The following PKD1 variants were observed in gnomAD, a reference collection of about 807,000 sequenced individuals.
PKD1 encodes polycystin-1.
A neutral mutation model predicts 361.7 loss-of-function variants in PKD1; 81 were observed. That is an observed-to-expected ratio of 0.22 (90% CI 0.19 to 0.27). The LOEUF is 0.27. Ranked by LOEUF, PKD1 falls within the 10% of genes least tolerant of loss-of-function variation. The pLI is 1.00. For missense variants in PKD1, 6,399 were observed against 6,118.3 expected, an observed-to-expected ratio of 1.05 and a Z score of -1.53; for synonymous variants, 3,615 against 2,818.3, an observed-to-expected ratio of 1.28 and a Z score of -8.95.
At chr16:2,091,693 C>T (rs559823238) in intron 41 of PKD1, 88 bp downstream of exon 41, 3 of 1,573,000 alleles carry the variant, frequency 1.9e-6, no homozygotes, top group East Asian at 2.3e-5. Flanking sequence ...TGGAAGCCGC[C>T]TAGGCCAGCG....
Position 2,090,009 on chromosome 16 carries a change from A to G in PKD1, c.12630T>C (p.Pro4210=), listed in dbSNP as rs7203729. 322,364 of 1,608,974 alleles carry G rather than the reference A, an allele frequency of 0.2. 41,941 individuals are homozygous for G. Among genetic ancestry groups the G allele is most frequent in the African/African-American group, 0.65 (48,489 of 74,944 alleles). The change falls in exon 46 of 46, where the codon CCT becomes CCC. Residue 4210 remains proline (P), a synonymous_variant. Coordinates refer to ENST00000262304, the MANE Select transcript of PKD1 (RefSeq NM_001009944.3). ...ACACGGCTTGGAGGCGGGAGGGCTCAGGCTCACACCTTGTCCCCAGCCGGC... is the reference window on the plus strand; with the variant it reads ...ACACGGCTTGGAGGCGGGAGGGCTCGGGCTCACACCTTGTCCCCAGCCGGC... The part of the protein sequence containing the change: ...SLGRLGTRCE[P]EPSRLQAVFE...
chr16:2,124,173 C>G (rs1477914469), intron 1 of PKD1, among the ~76,000 whole-genome samples: 2 of 152,210 alleles, frequency 1.3e-5, no homozygotes. Context: ...TGGAGGCTGC[C>G]CCTCCACACC....
At position 2,105,337 on chromosome 16, in the gene PKD1, C is replaced by G; in HGVS notation, c.8001G>C (p.Ala2667=). Residue 2667 remains alanine (A), a synonymous_variant, in exon 21 of 46, where the codon GCG becomes GCC. Coordinates refer to ENST00000262304, the MANE Select transcript of PKD1 (RefSeq NM_001009944.3). ...GCCATCCTACCATGCACTGGGCCAGCGCAGCAGCGATCTGCTGGATGTCAT... is the reference window on the plus strand; with the variant it reads ...GCCATCCTACCATGCACTGGGCCAGGGCAGCAGCGATCTGCTGGATGTCAT... ...TVDDIQQIAA[A]LAQCMGPSRE... is the part of the protein sequence containing the mutation. 6.3e-7 allele frequency: 1 copy of G among 1,593,172 alleles called. No homozygotes were observed. The highest frequency in any genetic ancestry group is 1.1e-5 in the South Asian group (1 of 90,950).
intron 11 of PKD1, among the ~76,000 whole-genome samples, chr16:2,113,614 C>G (rs2092575319): frequency 6.6e-6 from 1 of 152,256 alleles, no homozygotes; most frequent in South Asian, 2.1e-4. Flanking sequence ...CTTGCCCCAG[C>G]TCCTCACCCA....
Position 2,110,377 on chromosome 16 carries a change from A to G in PKD1, c.4790T>C (p.Ile1597Thr). The G allele has an allele frequency of 6.2e-7, 1 of 1,612,590 alleles. No homozygotes were observed. The highest frequency in any genetic ancestry group is 8.5e-7 in the Non-Finnish European group (1 of 1,179,860). The change falls in exon 15 of 46, where the codon ATC becomes ACC. Residue 1597 changes from isoleucine (I) to threonine (T), a missense_variant. Transcript: ENST00000262304. Reference sequence around the variant, plus strand: ...GCCCACGGAGCGGAAGGTGTAAGAGATGGTAGGACCCCCAGGGATGGGCGT... The same window carrying G: ...GCCCACGGAGCGGAAGGTGTAAGAGGTGGTAGGACCCCCAGGGATGGGCGT... ...RCTPIPGGPT[I>T]SYTFRSVGTF...
In PKD1 at chr16:2,135,631, C is replaced by G; in HGVS notation, c.59G>C (p.Gly20Ala). The G allele has an allele frequency of 1.1e-6, 1 of 939,104 alleles. No homozygotes were observed. Among genetic ancestry groups the G allele is most frequent in the South Asian group, 4.8e-5 (1 of 20,902 alleles). 58.2% of individuals were successfully genotyped at this position (939,104 alleles called of 1,614,324 possible). Residue 20 changes from glycine (G) to alanine (A), a missense_variant, in exon 1 of 46, where the codon GGG becomes GCG. Transcript: ENST00000262304. Reference sequence around the variant, plus strand: ...GCGCCCGGGGCCCCCCGCCAGCGCCCCGAGCCACAGGCCCAGGCCCAGGGC... The same window carrying G: ...GCGCCCGGGGCCCCCCGCCAGCGCCGCGAGCCACAGGCCCAGGCCCAGGGC... ...ALALGLGLWL[G>A]ALAGGPGRGC...
At position 2,089,764 on chromosome 16, in the gene PKD1, A is replaced by AG; in HGVS notation, c.12874dup (p.Leu4292ProfsTer94). 6.3e-7 allele frequency: 1 copy of AG among 1,595,502 alleles called. No homozygotes were observed. Among genetic ancestry groups the AG allele is most frequent in the Non-Finnish European group, 8.5e-7 (1 of 1,172,666 alleles). ...GGGGTGGACCTTGTTCTTGGCCCGA[A>AG]GGGGTGTCCTGCTGGGGCCAGTGGC... On this transcript the variant is annotated frameshift_variant, in exon 46 of 46. Transcript: ENST00000262304. LOFTEE classifies it high-confidence loss of function.
intron 16 of PKD1, chr16:2,107,254 A>T: frequency 4.4e-6 from 2 of 450,198 alleles, no homozygotes; most frequent in Non-Finnish European, 8.3e-6. Flanking sequence ...GAAGAGACGT[A>T]TGTGTGGGTG....
Position 2,110,067 on chromosome 16 carries a change from G to A in PKD1, c.5100C>T (p.Thr1700=), listed in dbSNP as rs774140296. Residue 1700 remains threonine, a synonymous_variant, in exon 15 of 46, where the codon ACC becomes ACT. Coordinates refer to ENST00000262304, the MANE Select transcript of PKD1 (RefSeq NM_001009944.3). ...CGGCCCAGGCGCTGCCCAGCATGTT[G>A]GTGGCCCGCAGCTGCACATGGTAGG... ...AGTYHVQLRA[T]NMLGSAWADC... 9 of 1,609,904 alleles carry A rather than the reference G, an allele frequency of 5.6e-6. No homozygotes were observed. The African/African-American group carries it at 1.1e-4, about 19-fold the overall frequency.
rs1225452472 is a variant in PKD1, at chr16:2,090,500, C to T, written c.12229G>A (p.Ala4077Thr). 2 of 1,611,480 alleles carry T rather than the reference C, an allele frequency of 1.2e-6. No homozygotes were observed. Among genetic ancestry groups the T allele is most frequent in the African/African-American group, 1.3e-5 (1 of 75,010 alleles). Residue 4077 changes from alanine to threonine, a missense_variant, in exon 45 of 46, where the codon GCC becomes ACC. Transcript: ENST00000262304. ...AGGGGTGACAGGTGCCAGGACTCGG[C>T]AGGACACAGGGTAGAGAGCCCAGTC... ...PGTGLSTLCP[A>T]ESWHLSPLLC...
At chr16:2,116,460 T>G in intron 8 of PKD1, 69 bp downstream of exon 8, 1 of 851,406 alleles carries the variant, frequency 1.2e-6, no homozygotes, top group Non-Finnish European at 1.9e-6. Flanking sequence ...AGACCCACAG[T>G]GGGCAGGGCA....
Position 2,111,371 on chromosome 16 carries a change from G to A in PKD1, c.3796C>T (p.Arg1266Trp), listed in dbSNP as rs376754657. The stretch of plus-strand genomic sequence containing the variant: ...ACGGTCACTGTGCAGTTCTGTGCCC[G>A]CAGGTACACATGCTCCACTGTTGCC... ...PEATVEHVYL[R>W]AQNCTVTVGA... Residue 1266 changes from arginine to tryptophan, a missense_variant, in exon 15 of 46, where the codon CGG (arginine) becomes TGG (tryptophan). By Grantham distance (101) the Arg-to-Trp change is moderately radical. Transcript: ENST00000262304. The A allele has an allele frequency of 2.7e-5, 43 of 1,610,970 alleles. No homozygotes were observed. The highest frequency in any genetic ancestry group is 2.3e-4 in the African/African-American group (17 of 75,018).
In PKD1 at chr16:2,090,340, A is replaced by G. The variant is rs762047944; in HGVS notation, c.12389T>C (p.Val4130Ala). Residue 4130 changes from valine to alanine, a missense_variant, in exon 45 of 46, where the codon GTG becomes GCG. Physicochemically the swap from Val to Ala is moderately conservative, Grantham distance 64 (BLOSUM62 0). Transcript: ENST00000262304. ...GCGCAGCCTGCGCAGGAACAACTCC[A>G]CCATCTCGTAGTCCTGGGGCTCCCA... is the stretch of plus-strand genomic sequence containing the variant. ...PAWEPQDYEM[V>A]ELFLRRLRLW... 3.0e-5 allele frequency: 48 copies of G among 1,611,678 alleles called. No individual in the cohort carries two copies. Among genetic ancestry groups the G allele is most frequent in the Non-Finnish European group, 3.7e-5 (44 of 1,179,630 alleles).
Position 2,099,780 on chromosome 16 carries a change from G to A in PKD1, c.9924-10C>T, listed in dbSNP as rs1460523993. 3.9e-6 allele frequency: 6 copies of A among 1,553,384 alleles called. No individual in the cohort carries two copies. The highest frequency in any genetic ancestry group is 1.4e-5 in the African/African-American group (1 of 73,348). ...GGACACATGCCCCGTGCTGTGTGGA[G>A]GAGAGGAGGCCACACAGGTGAGGCT... On this transcript the variant is annotated splice_polypyrimidine_tract_variant and intron_variant, in intron 29 of 45. Transcript: ENST00000262304.
chr16:2,115,370 C>G lies in PKD1; in HGVS notation c.2097+8G>C. 6.6e-7 allele frequency: 1 copy of G among 1,504,268 alleles called. No homozygotes were observed. The highest frequency in any genetic ancestry group is 1.2e-5 in the South Asian group (1 of 82,874). 93.2% of individuals were successfully genotyped at this position (1,504,268 alleles called of 1,614,324 possible). A position where few individuals can be genotyped will look rare whatever the true frequency, so the allele number is the denominator to read the frequency against. On this transcript the variant is annotated splice_region_variant and intron_variant, in intron 10 of 45. Transcript: ENST00000262304. ...TGCAGGGAACAGACCCAGGTCAGGG[C>G]CACACACCGAGTACTGCGCGGGGGG...
chr16:2,096,235 C>A (rs1277131314), intron 34 of PKD1, among the ~76,000 whole-genome samples: 1 of 152,256 alleles, frequency 6.6e-6, no homozygotes, highest in African/African-American at 2.4e-5. Context: ...CCTGTGCATG[C>A]AGGCCCTGTG....
chr16:2,132,516 G>C (rs1367744929), intron 1 of PKD1, among the ~76,000 whole-genome samples: 13 of 147,136 alleles, frequency 8.8e-5, no homozygotes, highest in East Asian at 4.0e-4. Flanking sequence ...CGGAGGTTGC[G>C]GTGAGCTGAG....
At position 2,110,108 on chromosome 16, in the gene PKD1, C is replaced by T. The variant is rs760484855; in HGVS notation, c.5059G>A (p.Val1687Met). 17 of 1,609,530 alleles carry T rather than the reference C, an allele frequency of 1.1e-5. No homozygotes were observed. The highest frequency in any genetic ancestry group is 3.3e-5 in the South Asian group (3 of 90,848). Residue 1687 changes from valine to methionine, a missense_variant, in exon 15 of 46, where the codon GTG (valine) becomes ATG (methionine). By Grantham distance (21) the Val-to-Met change is conservative (BLOSUM62 1). Transcript: ENST00000262304. ...ACATGGTAGGTGCCGGCCTCGAGCA[C>T]GGTGAGCGAGAAGCCTTTGCCGCTG... Reference protein sequence around the residue: ...AGSGKGFSLTVLEAGTYHVQL... With the variant: ...AGSGKGFSLTMLEAGTYHVQL...
Position 2,117,500 on chromosome 16 carries a change from G to C in PKD1, c.1374C>G (p.Ser458=). 6.4e-7 allele frequency: 1 copy of C among 1,551,808 alleles called. No individual in the cohort carries two copies. Among genetic ancestry groups the C allele is most frequent in the Non-Finnish European group, 8.7e-7 (1 of 1,143,240 alleles). ...DSPAVQRFLV[S]RVTRSLDVWI... The stretch of plus-strand genomic sequence containing the variant: ...GTGGGGGCAGGCACCTGGTGACCCG[G>C]GAGACCAGGAAGCGCTGCACGGCGG... Residue 458 remains serine (S), a synonymous_variant, in exon 6 of 46, where the codon TCC becomes TCG. Coordinates refer to ENST00000262304, the MANE Select transcript of PKD1 (RefSeq NM_001009944.3).
Sources: allele counts gnomAD v4.1 joint callset (sites outside exome capture counted in the v4.1 genomes callset), GRCh38; gene constraint gnomAD v4.1.1; transcripts MANE v1.5; gene names NCBI Gene and HGNC (gene_info 2026-07-23, HGNC 2026-07-21).